CCSER1: variants seen among roughly 807,000 people sequenced by gnomAD.
The protein encoded by CCSER1 is coiled-coil serine rich protein 1.
Under a neutral mutation model 82.0 loss-of-function variants are expected in CCSER1, and 41 were observed. That is an observed-to-expected ratio of 0.50 (90% CI 0.39 to 0.65). CCSER1 has a LOEUF of 0.65. Among genes scored for constraint, CCSER1 ranks in the 30% least tolerant of loss-of-function variants. The pLI, the probability that CCSER1 is intolerant of heterozygous loss-of-function variation, is 0.00. For missense variants in CCSER1, 1,119 were observed against 1,064.2 expected (o/e 1.05, Z -0.72); for synonymous variants, 414 against 383.9 (o/e 1.08, Z -0.92).
intron 10 of CCSER1, among the ~76,000 whole-genome samples, chr4:91,162,488 T>C (rs1731525979): frequency 6.6e-6 from 1 of 152,188 alleles, no homozygotes; most frequent in Non-Finnish European, 1.5e-5. Flanking sequence ...TTGATTGGAA[T>C]ATTTTCAGAA....
intron 10 of CCSER1, among the ~76,000 whole-genome samples, chr4:91,395,289 A>G (rs1305747346): frequency 2.6e-5 from 4 of 152,052 alleles, no homozygotes; most frequent in African/African-American, 9.7e-5. Context: ...TGGAGGTCTC[A>G]CTTTGTAGTA....
intron 3 of CCSER1, among the ~76,000 whole-genome samples, chr4:90,381,071 A>C (rs559124518): frequency 1.3e-5 from 2 of 152,356 alleles, no homozygotes; most frequent in South Asian, 4.1e-4. Flanking sequence ...TAGCAAGAAC[A>C]GAGGAACTAA....
intron 10 of CCSER1, among the ~76,000 whole-genome samples, chr4:91,536,998 G>A (rs1560746262): frequency 6.6e-6 from 1 of 151,822 alleles, no homozygotes; most frequent in Non-Finnish European, 1.5e-5. Flanking sequence ...TCCTAATTAT[G>A]TCTACCTTTT....
intron 9 of CCSER1, among the ~76,000 whole-genome samples, chr4:90,930,104 A>C (rs2150279627): frequency 6.6e-6 from 1 of 152,306 alleles, no homozygotes; most frequent in East Asian, 1.9e-4. Flanking sequence ...ATTTGCTGAA[A>C]ATTATGTTGT....
chr4:91,371,279 G>A (rs770019969), intron 10 of CCSER1, among the ~76,000 whole-genome samples: 5 of 150,816 alleles, frequency 3.3e-5, no homozygotes, highest in African/African-American at 4.9e-5. Flanking sequence ...CCCACTTACC[G>A]TGCCCCCAAC....
At chr4:91,265,193 A>T (rs979595738) in intron 10 of CCSER1, among the ~76,000 whole-genome samples, 1 of 152,050 alleles carries the variant, frequency 6.6e-6, no homozygotes, top group Non-Finnish European at 1.5e-5. Flanking sequence ...ATTTGATATC[A>T]GTATTTGAAA....
rs549265475 is a variant in CCSER1, at chr4:91,078,280, C to T, written c.2173-7670C>T. On this transcript the variant is annotated intron_variant, in intron 9 of 10. Coordinates refer to ENST00000509176, the MANE Select transcript of CCSER1 (RefSeq NM_001145065.2). ...GGATTAGGCAGCAACATTTGCTGTTCTGCAGCCTCCGCAGGTGATACCCAG... is the reference window on the plus strand; with the variant it reads ...GGATTAGGCAGCAACATTTGCTGTTTTGCAGCCTCCGCAGGTGATACCCAG... Among the ~76,000 whole-genome samples, 51 of 152,294 alleles carry T rather than the reference C, an allele frequency of 3.3e-4. 2 individuals carry two copies. The South Asian group carries it at 0.01, about 30-fold the overall frequency.
intron 5 of CCSER1, among the ~76,000 whole-genome samples, chr4:90,483,337 C>G (rs971555631): frequency 4.6e-5 from 7 of 152,166 alleles, no homozygotes; most frequent in African/African-American, 7.2e-5. Flanking sequence ...ATTTGCCAGT[C>G]TGTGTCTTTT....
At chr4:91,268,309 T>C (rs372429241) in intron 10 of CCSER1, among the ~76,000 whole-genome samples, 33 of 152,270 alleles carry the variant, frequency 2.2e-4, no homozygotes, top group Non-Finnish European at 4.3e-4. Context: ...GGCAGCATTA[T>C]TGGGGGGATG....
intron 7 of CCSER1, among the ~76,000 whole-genome samples, chr4:90,754,077 TTTTG>T (rs1451072601): frequency 6.6e-6 from 1 of 152,170 alleles, no homozygotes. Context: ...TCATTTTCTG[TTTTG>T]TTTTTCTTCA....
At chr4:90,257,319 C>A (rs1416952170) in intron 1 of CCSER1, among the ~76,000 whole-genome samples, 1 of 151,920 alleles carries the variant, frequency 6.6e-6, no homozygotes, top group Non-Finnish European at 1.5e-5. Context: ...AGGACAGGGA[C>A]CTTGTATGGT....
intron 6 of CCSER1, among the ~76,000 whole-genome samples, chr4:90,707,740 C>T (rs1739676448): frequency 6.6e-6 from 1 of 151,914 alleles, no homozygotes; most frequent in African/African-American, 2.4e-5. Flanking sequence ...AAATCCAGCC[C>T]ACACTCAAGG....
In CCSER1 at chr4:91,020,661, CA is replaced by C. The variant is rs553695061; in HGVS notation, c.2173-65277del. ...TGGGTGACAGAGCGAGACTCCGTCT[CA>C]AAAAAAAAAAAGTACATACCTTGAC... On this transcript the variant is annotated intron_variant, in intron 9 of 10. Transcript: ENST00000509176. 2.7e-3 allele frequency among the ~76,000 whole-genome samples: 357 copies of C among 132,540 alleles called. 4 individuals carry two copies. Among genetic ancestry groups the C allele is most frequent in the African/African-American group, 7.6e-3 (273 of 35,946 alleles). 87.0% of individuals were successfully genotyped at this position (132,540 alleles called of 152,430 possible). A position where few individuals can be genotyped will look rare whatever the true frequency, so the allele number is the denominator to read the frequency against.
At chr4:91,003,329 G>C (rs181330835) in intron 9 of CCSER1, among the ~76,000 whole-genome samples, 3 of 152,282 alleles carry the variant, frequency 2.0e-5, no homozygotes, top group Middle Eastern at 3.4e-3. Context: ...GGGTTGGTAG[G>C]GAGGGACCAT....
At chr4:90,241,689 G>A (rs919255748) in intron 1 of CCSER1, among the ~76,000 whole-genome samples, 2 of 152,044 alleles carry the variant, frequency 1.3e-5, no homozygotes, top group Non-Finnish European at 2.9e-5. Context: ...AGGGATACAC[G>A]TGGTTAAAAA....
intron 5 of CCSER1, among the ~76,000 whole-genome samples, chr4:90,582,022 A>G (rs1781469316): frequency 6.6e-6 from 1 of 151,858 alleles, no homozygotes; most frequent in African/African-American, 2.4e-5. Flanking sequence ...TTATTGTTTT[A>G]GTGTATAGGA....
chr4:91,273,097 A>G (rs1742167702), intron 10 of CCSER1, among the ~76,000 whole-genome samples: 1 of 151,432 alleles, frequency 6.6e-6, no homozygotes, highest in East Asian at 1.9e-4. Context: ...TTGGTTCTAT[A>G]TGAATTTTAG....
At chr4:91,058,320 A>G (rs1374932927) in intron 9 of CCSER1, among the ~76,000 whole-genome samples, 1 of 152,114 alleles carries the variant, frequency 6.6e-6, no homozygotes, top group Non-Finnish European at 1.5e-5. Context: ...TTAAAAAACA[A>G]CAAGATAATG....
intron 7 of CCSER1, among the ~76,000 whole-genome samples, chr4:90,749,933 C>T (rs199562820): frequency 1.2e-3 from 175 of 151,958 alleles, no homozygotes; most frequent in African/African-American, 4.1e-3. Flanking sequence ...TCCTATTTCT[C>T]GACATCCTCT....
Sources: gnomAD v4.1 joint callset for allele counts (sites outside exome capture counted in the v4.1 genomes callset) on GRCh38, gnomAD v4.1.1 for gene constraint, MANE v1.5 for transcripts, NCBI Gene and HGNC (gene_info 2026-07-23, HGNC 2026-07-21) for gene names.